DPYD: variants seen among roughly 807,000 people sequenced by gnomAD.
DPYD encodes dihydropyrimidine dehydrogenase.
Under a neutral mutation model 116.2 loss-of-function variants are expected in DPYD, and 109 were observed. The ratio of observed to expected loss-of-function variants is 0.94; its 90% CI spans 0.80 to 1.10. The LOEUF (loss-of-function observed/expected upper bound fraction) is 1.10, where lower values mean the gene tolerates loss of function less well. Ranked by LOEUF, DPYD falls within the 50% of genes least tolerant of loss-of-function variation. The pLI, the probability that DPYD is intolerant of heterozygous loss-of-function variation, is 0.00. For synonymous variants in DPYD, 440 were observed against 432.0 expected, an observed-to-expected ratio of 1.02 and a Z score of -0.23; for missense variants, 1,302 against 1,254.5, an observed-to-expected ratio of 1.04 and a Z score of -0.57.
intron 5 of DPYD, among the ~76,000 whole-genome samples, chr1:97,712,417 G>C (rs182588326): frequency 9.1e-4 from 138 of 151,724 alleles, no homozygotes; most frequent in Admixed American, 2.1e-3. Flanking sequence ...TAAACTCACC[G>C]TTGATTTTTT....
At chr1:97,199,387 AT>A (rs752065651) in intron 19 of DPYD, among the ~76,000 whole-genome samples, 1 of 152,018 alleles carries the variant, frequency 6.6e-6, no homozygotes, top group Non-Finnish European at 1.5e-5. Context: ...AATCATGAGC[AT>A]TTTTTTCACT....
chr1:97,122,931 C>T (rs1022853438), intron 20 of DPYD, among the ~76,000 whole-genome samples: 1 of 151,938 alleles, frequency 6.6e-6, no homozygotes, highest in Non-Finnish European at 1.5e-5. Flanking sequence ...CTTTTTAGTT[C>T]TCAATTGCAC....
At chr1:97,087,889 T>C (rs1011058506) in intron 21 of DPYD, among the ~76,000 whole-genome samples, 2 of 152,218 alleles carry the variant, frequency 1.3e-5, no homozygotes, top group South Asian at 4.1e-4. Flanking sequence ...GTGTACCACC[T>C]GCTCTAAGTA....
chr1:97,481,051 G>C (rs1249245485), intron 13 of DPYD, among the ~76,000 whole-genome samples: 1 of 152,120 alleles, frequency 6.6e-6, no homozygotes, highest in Non-Finnish European at 1.5e-5. Context: ...ATTTGTTAAA[G>C]ATTACTATCT....
At chr1:97,090,910 C>A (rs1212093689) in intron 21 of DPYD, among the ~76,000 whole-genome samples, 1 of 152,126 alleles carries the variant, frequency 6.6e-6, no homozygotes, top group African/African-American at 2.4e-5. Flanking sequence ...GGTCACACAG[C>A]AAATACTAAA....
intron 14 of DPYD, among the ~76,000 whole-genome samples, chr1:97,444,285 C>T (rs1179002351): frequency 1.3e-5 from 2 of 152,092 alleles, no homozygotes; most frequent in Non-Finnish European, 2.9e-5. Flanking sequence ...AATATTTCTT[C>T]AAGGTGTAAT....
chr1:97,800,961 A>C (rs967706731), intron 3 of DPYD, among the ~76,000 whole-genome samples: 2 of 151,882 alleles, frequency 1.3e-5, no homozygotes, highest in African/African-American at 2.4e-5. Context: ...AAGTAGGAAA[A>C]AGTTTGTCAT....
intron 2 of DPYD, among the ~76,000 whole-genome samples, chr1:97,879,486 T>C (rs913879479): frequency 1.3e-5 from 2 of 151,918 alleles, no homozygotes; most frequent in Non-Finnish European, 2.9e-5. Flanking sequence ...GTAATTAGGA[T>C]AGTTCAACAT....
intron 11 of DPYD, among the ~76,000 whole-genome samples, chr1:97,551,819 A>C (rs530374921): frequency 2.0e-5 from 3 of 152,250 alleles, no homozygotes; most frequent in South Asian, 4.1e-4. Context: ...TATTTGGGAA[A>C]AAAATAGAAT....
rs571263511 is a variant in DPYD, at chr1:97,136,624, T to C, written c.2623-37992A>G. Reference sequence around the variant, plus strand: ...CTTCCTGCCATCAAAGCAGGAATGATATTTAGTGCTTCAGTATTAGAAGGT... The same window carrying C: ...CTTCCTGCCATCAAAGCAGGAATGACATTTAGTGCTTCAGTATTAGAAGGT... On this transcript the variant is annotated intron_variant, in intron 20 of 22. Coordinates refer to ENST00000370192, the MANE Select transcript of DPYD (RefSeq NM_000110.4). 2.2e-4 allele frequency among the ~76,000 whole-genome samples: 33 copies of C among 152,258 alleles called. No homozygotes were observed. In the South Asian group the frequency reaches 6.8e-3, roughly 32 times the overall value.
At chr1:97,423,110 G>A (rs1300713366) in intron 14 of DPYD, among the ~76,000 whole-genome samples, 1 of 151,962 alleles carries the variant, frequency 6.6e-6, no homozygotes, top group African/African-American at 2.4e-5. Flanking sequence ...GTGAAATGCT[G>A]TCATGGAAGC....
At chr1:97,260,884 G>A (rs765293842) in intron 18 of DPYD, among the ~76,000 whole-genome samples, 1 of 152,052 alleles carries the variant, frequency 6.6e-6, no homozygotes, top group Non-Finnish European at 1.5e-5. Context: ...CAGAGAGCAG[G>A]CAAGTTCCAG....
chr1:97,693,305 A>C (rs1316811587), intron 6 of DPYD, among the ~76,000 whole-genome samples: 16 of 115,206 alleles, frequency 1.4e-4, no homozygotes, highest in South Asian at 5.2e-4. Flanking sequence ...AAAAAAAAAA[A>C]AAAAAAAAAA....
At chr1:97,626,339 T>C (rs922922981) in intron 8 of DPYD, among the ~76,000 whole-genome samples, 6 of 152,050 alleles carry the variant, frequency 3.9e-5, no homozygotes, top group Non-Finnish European at 7.4e-5. Context: ...AAAATTCATA[T>C]AAATATTCAG....
intron 14 of DPYD, among the ~76,000 whole-genome samples, chr1:97,418,078 A>G (rs555669975): frequency 6.6e-6 from 1 of 152,314 alleles, no homozygotes; most frequent in South Asian, 2.1e-4. Flanking sequence ...TAAATAAGTT[A>G]ACAAATTTTC....
rs1231079898 is a variant in DPYD at position 97,336,767 on chromosome 1, T to C, written c.2059-30470A>G. Among the ~76,000 whole-genome samples, 6 of 151,842 alleles carry C rather than the reference T, an allele frequency of 4.0e-5. No individual in the cohort carries two copies. In the South Asian group the frequency reaches 1.2e-3, roughly 32 times the overall value. On this transcript the variant is annotated intron_variant, in intron 16 of 22. Transcript: ENST00000370192. Reference sequence around the variant, plus strand: ...CTCCATCTCAAAACAAACAAACAAATCATATCAAGGAAAGAGATGTGAATC... The same window carrying C: ...CTCCATCTCAAAACAAACAAACAAACCATATCAAGGAAAGAGATGTGAATC...
intron 13 of DPYD, among the ~76,000 whole-genome samples, chr1:97,506,068 A>G (rs1647297542): frequency 6.6e-6 from 1 of 151,992 alleles, no homozygotes; most frequent in Non-Finnish European, 1.5e-5. Context: ...TTTCAGAAAT[A>G]GTGGTACTTG....
chr1:97,334,639 T>C (rs1669191965), intron 16 of DPYD, among the ~76,000 whole-genome samples: 1 of 152,208 alleles, frequency 6.6e-6, no homozygotes, highest in Admixed American at 6.5e-5. Flanking sequence ...AAAAGAATGT[T>C]GGCTTTGGAT....
At chr1:97,783,912 T>C (rs550363215) in intron 3 of DPYD, among the ~76,000 whole-genome samples, 1 of 152,262 alleles carries the variant, frequency 6.6e-6, no homozygotes, top group Non-Finnish European at 1.5e-5. Context: ...TCCAATAAAA[T>C]AATGGTTCCC....
Sources: allele counts gnomAD v4.1 joint callset (sites outside exome capture counted in the v4.1 genomes callset), GRCh38; gene constraint gnomAD v4.1.1; transcripts MANE v1.5; gene names NCBI Gene and HGNC (gene_info 2026-07-23, HGNC 2026-07-21).